The following GPD1L variants were observed in gnomAD, a reference collection of about 807,000 sequenced individuals.
The protein encoded by GPD1L is glycerol-3-phosphate dehydrogenase 1 like.
In GPD1L, 17 loss-of-function variants were observed where a neutral mutation model predicts 32.9. The observed-to-expected ratio is 0.52, with a 90% confidence interval of 0.35 to 0.78. GPD1L has a LOEUF of 0.78. GPD1L is among the 30% of genes least tolerant of loss of function. The probability of loss-of-function intolerance (pLI) is 0.01; values close to 1 mark genes in which losing one functional copy is unlikely to be tolerated. For synonymous variants in GPD1L, 187 were observed against 165.9 expected (o/e 1.13, Z -0.98); for missense variants, 361 against 447.8 (o/e 0.81, Z 1.75).
intron 2 of GPD1L, among the ~76,000 whole-genome samples, chr3:32,138,082 C>T (rs954804522): frequency 2.4e-4 from 37 of 152,308 alleles, no homozygotes; most frequent in African/African-American, 7.7e-4. Flanking sequence ...ACACTGTGAG[C>T]CTAGGCAGAA....
intron 5 of GPD1L, among the ~76,000 whole-genome samples, chr3:32,157,886 C>T (rs1425965511): frequency 6.6e-6 from 1 of 152,208 alleles, no homozygotes; most frequent in African/African-American, 2.4e-5. Context: ...GGCTCTGTGT[C>T]TCATTTGCCT....
intron 5 of GPD1L, among the ~76,000 whole-genome samples, chr3:32,148,254 G>A (rs1700861083): frequency 1.3e-5 from 2 of 152,174 alleles, no homozygotes; most frequent in African/African-American, 4.8e-5. Context: ...AAAGAGTGCT[G>A]GGTGAGAAGA....
In GPD1L at chr3:32,114,807, C is replaced by T. The variant is rs183091160; in HGVS notation, c.47+8049C>T. Among the ~76,000 whole-genome samples the T allele has an allele frequency of 6.2e-3, 939 of 152,198 alleles. 11 individuals are homozygous for T. The highest frequency in any genetic ancestry group is 0.022 in the African/African-American group (897 of 41,500). On this transcript the variant is annotated intron_variant, in intron 1 of 7. Transcript: ENST00000282541. ...CTTCCTTCCAGTGGGTTCGTGGTCT[C>T]GCTGACTTCAGGAGTGAAGCCACAG...
At chr3:32,107,661 C>T (rs1253826206) in intron 1 of GPD1L, among the ~76,000 whole-genome samples, 5 of 152,126 alleles carry the variant, frequency 3.3e-5, no homozygotes, top group Admixed American at 1.3e-4. Context: ...TTTTCTGTGG[C>T]GTGACAGGCA....
chr3:32,128,250 T>G lies in GPD1L; in HGVS notation c.222T>G (p.Asn74Lys), dbSNP rs1423833270. The change falls in exon 2 of 8, where the codon AAT becomes AAG. Residue 74 changes from asparagine (N) to lysine (K), a missense_variant. Physicochemically the swap from Asn to Lys is moderately conservative, Grantham distance 94. Coordinates refer to ENST00000282541, the MANE Select transcript of GPD1L (RefSeq NM_015141.4). ...KYLPGHKLPE[N>K]VVAMSNLSEA... ...TTCCTGGACACAAGCTGCCAGAAAA[T>G]GTGGTAAGACTTTGGGGTGAAATGT... 1 of 1,612,772 alleles carries G rather than the reference T, an allele frequency of 6.2e-7. No homozygotes were observed. Among genetic ancestry groups the G allele is most frequent in the East Asian group, 2.2e-5 (1 of 44,854 alleles).
intron 4 of GPD1L, among the ~76,000 whole-genome samples, chr3:32,146,053 A>G (rs1404019080): frequency 6.8e-6 from 1 of 146,268 alleles, no homozygotes; most frequent in African/African-American, 2.5e-5. Flanking sequence ...TTCTTGGTGT[A>G]GTTTTACTTG....
rs148580122 is a variant in GPD1L at position 32,129,794 on chromosome 3, C to G, written c.225+1541C>G. Among the ~76,000 whole-genome samples, 270 of 152,290 alleles carry G rather than the reference C, an allele frequency of 1.8e-3. 2 individuals carry two copies. The highest frequency in any genetic ancestry group is 6.3e-3 in the African/African-American group (262 of 41,560). ...CTGCTGGAGAGAATAAAAGAGGTAG[C>G]TCTTCCCCCTGCAATGGAAGGCCTG... On this transcript the variant is annotated intron_variant, in intron 2 of 7. Coordinates refer to ENST00000282541, the MANE Select transcript of GPD1L (RefSeq NM_015141.4).
At chr3:32,157,908 G>T (rs1178167622) in intron 5 of GPD1L, among the ~76,000 whole-genome samples, 5 of 152,210 alleles carry the variant, frequency 3.3e-5, no homozygotes, top group Non-Finnish European at 1.5e-5. Flanking sequence ...GTGTCTAGCA[G>T]AGGCCATGCA....
chr3:32,165,765 G>T, intron 7 of GPD1L, 49 bp from the exon 8 acceptor site: 1 of 951,878 alleles, frequency 1.1e-6, no homozygotes, highest in South Asian at 1.3e-5. Flanking sequence ...TATTCTCTGA[G>T]GTAAATCCAG....
rs1701160740 is a variant in GPD1L, at chr3:32,167,236, A to C, written c.*1326A>C. 1 of 152,012 alleles carries C rather than the reference A, an allele frequency of 6.6e-6. No individual in the cohort carries two copies. Among genetic ancestry groups the C allele is most frequent in the South Asian group, 2.1e-4 (1 of 4,820 alleles). The allele number at this position is 152,012 out of a possible 1,614,324, so 9.4% of individuals were successfully genotyped here. A position where few individuals can be genotyped will look rare whatever the true frequency, so the allele number is the denominator to read the frequency against. ...AGTCTGGGAAACACTATGTCTGTAC[A>C]CCTCTTGAAGGTGTCGAATGTATGT... On this transcript the variant is annotated 3_prime_UTR_variant, in exon 8 of 8. Transcript: ENST00000282541.
chr3:32,163,857 C>T (rs1346968800), intron 7 of GPD1L, among the ~76,000 whole-genome samples: 1 of 152,168 alleles, frequency 6.6e-6, no homozygotes, highest in Non-Finnish European at 1.5e-5. Flanking sequence ...ACAGTTATAA[C>T]AGGGAATATG....
intron 1 of GPD1L, among the ~76,000 whole-genome samples, chr3:32,113,549 C>G (rs1260198367): frequency 3.3e-5 from 5 of 152,176 alleles, no homozygotes; most frequent in African/African-American, 1.2e-4. Flanking sequence ...ATGTCAGGAA[C>G]TAAGCTCACT....
chr3:32,120,296 G>A (rs374460971), intron 1 of GPD1L, among the ~76,000 whole-genome samples: 55 of 151,960 alleles, frequency 3.6e-4, no homozygotes, highest in African/African-American at 7.5e-4. Context: ...CCAGCCTGGC[G>A]ACAGAGTGAG....
At chr3:32,121,086 C>T (rs906704607) in intron 1 of GPD1L, among the ~76,000 whole-genome samples, 6 of 152,068 alleles carry the variant, frequency 3.9e-5, no homozygotes, top group African/African-American at 9.7e-5. Context: ...CTGGTACGCA[C>T]CAAATTAGTG....
At chr3:32,162,578 G>T (rs1701087550) in intron 7 of GPD1L, among the ~76,000 whole-genome samples, 1 of 61,974 alleles carries the variant, frequency 1.6e-5, no homozygotes, top group South Asian at 5.6e-4. Context: ...GTAGAGACGG[G>T]GTTTCACCTT....
chr3:32,112,118 A>G (rs1474437897), intron 1 of GPD1L, among the ~76,000 whole-genome samples: 1 of 152,118 alleles, frequency 6.6e-6, no homozygotes, highest in Admixed American at 6.5e-5. Flanking sequence ...GAAAGTTTGT[A>G]CGGCTTTTTA....
At chr3:32,146,383 G>A (rs1479256901) in intron 4 of GPD1L, among the ~76,000 whole-genome samples, 1 of 151,948 alleles carries the variant, frequency 6.6e-6, no homozygotes, top group Admixed American at 6.6e-5. Context: ...ATCGTGTCTG[G>A]CCAAAAAAAA....
At position 32,138,727 on chromosome 3, in the gene GPD1L, G is replaced by A; in HGVS notation, c.366G>A (p.Lys122=). The A allele has an allele frequency of 6.2e-7, 1 of 1,613,978 alleles. No individual in the cohort carries two copies. Among genetic ancestry groups the A allele is most frequent in the East Asian group, 2.2e-5 (1 of 44,872 alleles). ...AAGCGCTGGGAATCACCCTCATCAA[G>A]GTAACTCGAGTGCATGCTGCCCAGG... is the stretch of plus-strand genomic sequence containing the variant. ...PKKALGITLI[K]GIDEGPEGLK... is the part of the protein sequence containing the mutation. Residue 122 remains lysine (K), a splice_region_variant and synonymous_variant, in exon 3 of 8, where the codon AAG becomes AAA. Transcript: ENST00000282541.
At chr3:32,121,812 C>T (rs940012652) in intron 1 of GPD1L, among the ~76,000 whole-genome samples, 7 of 144,470 alleles carry the variant, frequency 4.8e-5, no homozygotes, top group South Asian at 2.2e-4. Flanking sequence ...GCTCTTTTGC[C>T]GAGGCTGGAG....
Sources: gnomAD v4.1 joint callset for allele counts (sites outside exome capture counted in the v4.1 genomes callset) on GRCh38, gnomAD v4.1.1 for gene constraint, MANE v1.5 for transcripts, NCBI Gene and HGNC (gene_info 2026-07-23, HGNC 2026-07-21) for gene names.